ARHGAP24: variants seen among roughly 807,000 people sequenced by gnomAD.
ARHGAP24 encodes Rho GTPase activating protein 24.
Under a neutral mutation model 76.4 loss-of-function variants are expected in ARHGAP24, and 50 were observed. The observed-to-expected ratio is 0.65, with a 90% confidence interval of 0.52 to 0.83. The LOEUF (loss-of-function observed/expected upper bound fraction) is 0.83, where lower values mean the gene tolerates loss of function less well. ARHGAP24 is among the 40% of genes least tolerant of loss of function. The probability of loss-of-function intolerance (pLI) is 0.00; values close to 1 mark genes in which losing one functional copy is unlikely to be tolerated. For synonymous variants in ARHGAP24, 345 were observed against 323.3 expected, an observed-to-expected ratio of 1.07 and a Z score of -0.72; for missense variants, 930 against 914.2, an observed-to-expected ratio of 1.02 and a Z score of -0.22.
In ARHGAP24 at chr4:85,939,653, C is replaced by A. The variant is rs138562887; in HGVS notation, c.392-2413C>A. 2.5e-3 allele frequency among the ~76,000 whole-genome samples: 376 copies of A among 152,236 alleles called. 3 individuals carry two copies. The highest frequency in any genetic ancestry group is 8.7e-3 in the African/African-American group (363 of 41,558). ...AAGAAAGTAAAAAGGAAACCGAATT[C>A]ACGTCTAAAGCAAAACATCCCTTTC... On this transcript the variant is annotated intron_variant, in intron 4 of 9. Coordinates refer to ENST00000395184, the MANE Select transcript of ARHGAP24 (RefSeq NM_001025616.3).
chr4:85,598,844 C>T (rs937898376), intron 2 of ARHGAP24, among the ~76,000 whole-genome samples: 2 of 150,010 alleles, frequency 1.3e-5, no homozygotes, highest in Non-Finnish European at 3.0e-5. Flanking sequence ...CAGTGCAGGT[C>T]ATAACTTTGA....
chr4:85,545,125 G>A (rs1001929817), intron 1 of ARHGAP24, among the ~76,000 whole-genome samples: 1 of 151,830 alleles, frequency 6.6e-6, no homozygotes, highest in Non-Finnish European at 1.5e-5. Context: ...ATTTGAGATG[G>A]AGTTTTACTT....
chr4:85,801,733 A>T (rs1478019110), intron 3 of ARHGAP24, among the ~76,000 whole-genome samples: 1 of 152,244 alleles, frequency 6.6e-6, no homozygotes, highest in Non-Finnish European at 1.5e-5. Context: ...ACGGCTTGTG[A>T]TCCCCCTTGG....
At chr4:85,605,229 A>T (rs1720153889) in intron 2 of ARHGAP24, among the ~76,000 whole-genome samples, 1 of 152,154 alleles carries the variant, frequency 6.6e-6, no homozygotes. Context: ...ATGAGAGATG[A>T]CTTTTGTCTC....
intron 1 of ARHGAP24, among the ~76,000 whole-genome samples, chr4:85,530,301 T>C (rs576334953): frequency 6.6e-6 from 1 of 152,134 alleles, no homozygotes; most frequent in African/African-American, 2.4e-5. Context: ...TACGATAAAC[T>C]GTTAATTCAT....
intron 8 of ARHGAP24, among the ~76,000 whole-genome samples, chr4:85,985,915 T>C (rs891164290): frequency 6.6e-6 from 1 of 152,246 alleles, no homozygotes; most frequent in Non-Finnish European, 1.5e-5. Context: ...TGGTTTTTTA[T>C]TTCATTTCAG....
intron 3 of ARHGAP24, among the ~76,000 whole-genome samples, chr4:85,771,114 T>C (rs540612936): frequency 6.6e-6 from 1 of 152,328 alleles, no homozygotes; most frequent in South Asian, 2.1e-4. Context: ...ACTATATCTG[T>C]GTATTAGTCA....
chr4:85,796,794 G>A (rs900871820), intron 3 of ARHGAP24, among the ~76,000 whole-genome samples: 1 of 152,128 alleles, frequency 6.6e-6, no homozygotes, highest in African/African-American at 2.4e-5. Flanking sequence ...AGACGCTATG[G>A]CCTTGACTCA....
chr4:85,848,928 G>T (rs373420959), intron 3 of ARHGAP24, among the ~76,000 whole-genome samples: 3 of 152,140 alleles, frequency 2.0e-5, no homozygotes, highest in Admixed American at 2.0e-4. Context: ...TTGGAAATGC[G>T]GGCTCTTTTT....
intron 2 of ARHGAP24, among the ~76,000 whole-genome samples, chr4:85,708,246 G>A (rs1242297342): frequency 1.3e-5 from 2 of 152,040 alleles, no homozygotes; most frequent in East Asian, 3.9e-4. Flanking sequence ...AGATGTTTAT[G>A]GAGTATGAAA....
At chr4:85,767,225 T>C (rs967305228) in intron 3 of ARHGAP24, among the ~76,000 whole-genome samples, 4 of 152,216 alleles carry the variant, frequency 2.6e-5, no homozygotes, top group South Asian at 2.1e-4. Flanking sequence ...GTGTGTTTAT[T>C]CTTCCTAGCT....
chr4:85,855,335 T>C (rs7672187), intron 3 of ARHGAP24, among the ~76,000 whole-genome samples: 17,422 of 152,082 alleles, frequency 0.11, 1,005 homozygotes, highest in Middle Eastern at 0.14. Flanking sequence ...GTGGGGTACA[T>C]AGGAAAAAGT....
chr4:85,725,946 GA>G (rs1725151548), intron 3 of ARHGAP24, among the ~76,000 whole-genome samples: 1 of 152,172 alleles, frequency 6.6e-6, no homozygotes, highest in Non-Finnish European at 1.5e-5. Flanking sequence ...CCCTGACTTA[GA>G]GAAGGAGTGA....
At chr4:85,917,055 T>A in intron 3 of ARHGAP24, among the ~76,000 whole-genome samples, 1 of 152,212 alleles carries the variant, frequency 6.6e-6, no homozygotes, top group South Asian at 2.1e-4. Context: ...AATGCTATCC[T>A]TCCCCCCTCC....
intron 3 of ARHGAP24, among the ~76,000 whole-genome samples, chr4:85,742,530 A>G (rs1173479629): frequency 6.6e-6 from 1 of 152,252 alleles, no homozygotes; most frequent in African/African-American, 2.4e-5. Flanking sequence ...GTATAGACGT[A>G]TAGATTGACA....
At position 85,805,386 on chromosome 4, in the gene ARHGAP24, G is replaced by A. The variant is rs970944938; in HGVS notation, c.268+83414G>A. 3.3e-5 allele frequency among the ~76,000 whole-genome samples: 5 copies of A among 152,218 alleles called. No homozygotes were observed. The East Asian group carries it at 5.8e-4, about 18-fold the overall frequency. ...GCACAGTCAGGATGATTACCCAGCCGCTTTGATAAATTTACCGACATCTGT... is the reference window on the plus strand; with the variant it reads ...GCACAGTCAGGATGATTACCCAGCCACTTTGATAAATTTACCGACATCTGT... On this transcript the variant is annotated intron_variant, in intron 3 of 9. Coordinates refer to ENST00000395184, the MANE Select transcript of ARHGAP24 (RefSeq NM_001025616.3).
chr4:85,705,562 C>A (rs911696284), intron 2 of ARHGAP24, among the ~76,000 whole-genome samples: 2 of 152,148 alleles, frequency 1.3e-5, no homozygotes, highest in African/African-American at 2.4e-5. Context: ...AGGTTATAGT[C>A]CAGCATTTTT....
chr4:85,561,163 T>C (rs1225982711), intron 1 of ARHGAP24, among the ~76,000 whole-genome samples: 1 of 152,066 alleles, frequency 6.6e-6, no homozygotes, highest in Non-Finnish European at 1.5e-5. Flanking sequence ...GATGGTATCA[T>C]GCAAGGGGAA....
chr4:85,774,205 A>G (rs1727228881), intron 3 of ARHGAP24, among the ~76,000 whole-genome samples: 1 of 152,156 alleles, frequency 6.6e-6, no homozygotes, highest in Admixed American at 6.5e-5. Context: ...TTTGAGTCCC[A>G]GGACCCAGAG....
Sources: allele counts gnomAD v4.1 joint callset (sites outside exome capture counted in the v4.1 genomes callset), GRCh38; gene constraint gnomAD v4.1.1; transcripts MANE v1.5; gene names NCBI Gene and HGNC (gene_info 2026-07-23, HGNC 2026-07-21).